Variants in MAGI2 observed in about 807,000 individuals in gnomAD.
MAGI2 encodes membrane-associated guanylate kinase, WW and PDZ domain-containing protein 2.
Under a neutral mutation model 133.3 loss-of-function variants are expected in MAGI2, and 35 were observed. The ratio of observed to expected loss-of-function variants is 0.26; its 90% CI spans 0.20 to 0.35. MAGI2 has a LOEUF of 0.35. Among genes scored for constraint, MAGI2 ranks in the 10% least tolerant of loss-of-function variants. MAGI2 has a pLI of 1.00. For missense variants in MAGI2, 1,636 were observed against 1,863.4 expected (o/e 0.88, Z 2.25); for synonymous variants, 729 against 710.6 (o/e 1.03, Z -0.41).
intron 6 of MAGI2, among the ~76,000 whole-genome samples, chr7:78,374,938 C>A (rs1794297461): frequency 6.6e-6 from 1 of 151,898 alleles, no homozygotes. Flanking sequence ...CTCCTGGGTT[C>A]AAGCAATTCT....
intron 1 of MAGI2, among the ~76,000 whole-genome samples, chr7:79,067,135 T>C (rs1475420894): frequency 6.6e-6 from 1 of 152,204 alleles, no homozygotes; most frequent in African/African-American, 2.4e-5. Context: ...TTTTATCCAA[T>C]TCTGTGAAGC....
chr7:78,700,811 C>T (rs1176245717), intron 2 of MAGI2, among the ~76,000 whole-genome samples: 2 of 151,800 alleles, frequency 1.3e-5, no homozygotes, highest in Non-Finnish European at 2.9e-5. Context: ...TTCAACAGTT[C>T]TCTGACACCT....
chr7:79,361,066 A>G (rs186221794), intron 1 of MAGI2, among the ~76,000 whole-genome samples: 1 of 152,324 alleles, frequency 6.6e-6, no homozygotes, highest in South Asian at 2.1e-4. Context: ...AGGAATGGCT[A>G]ATTAATATCC....
At chr7:78,724,079 G>C (rs980021682) in intron 2 of MAGI2, among the ~76,000 whole-genome samples, 2 of 152,140 alleles carry the variant, frequency 1.3e-5, no homozygotes, top group African/African-American at 4.8e-5. Context: ...AGGGAAGAAG[G>C]CTTTAATTGG....
intron 21 of MAGI2, among the ~76,000 whole-genome samples, chr7:78,041,714 G>T (rs7799860): frequency 6.6e-6 from 1 of 151,948 alleles, no homozygotes; most frequent in African/African-American, 2.4e-5. Flanking sequence ...AAAACAAAAG[G>T]CTGGAAAGTC....
intron 2 of MAGI2, among the ~76,000 whole-genome samples, chr7:78,688,774 A>G (rs151310237): frequency 2.2e-4 from 33 of 152,362 alleles, no homozygotes; most frequent in Middle Eastern, 3.4e-3. Context: ...CTAATACAAG[A>G]TTTACAAAGA....
intron 1 of MAGI2, among the ~76,000 whole-genome samples, chr7:79,214,482 T>G (rs1355756828): frequency 1.5e-5 from 2 of 135,366 alleles, no homozygotes; most frequent in South Asian, 4.5e-4. Flanking sequence ...TACATATATA[T>G]GTATATATAT....
chr7:78,614,303 A>AAGAAGCAG (rs1191185818), intron 3 of MAGI2: 3 of 151,352 alleles, frequency 2.0e-5, no homozygotes. Flanking sequence ...AAAAAAAAAA[A>AAGAAGCAG]AGAAGCAGAG....
At chr7:78,242,124 T>A (rs1791214062) in intron 10 of MAGI2, among the ~76,000 whole-genome samples, 1 of 152,178 alleles carries the variant, frequency 6.6e-6, no homozygotes, top group Non-Finnish European at 1.5e-5. Context: ...TTTCCCAGTC[T>A]CTTATGACCA....
intron 1 of MAGI2, among the ~76,000 whole-genome samples, chr7:79,338,190 G>A (rs530448598): frequency 6.6e-6 from 1 of 152,288 alleles, no homozygotes; most frequent in Non-Finnish European, 1.5e-5. Context: ...TGAGACTAAG[G>A]GTGAGGTTGT....
chr7:78,143,924 GTT>G (rs374859888), intron 16 of MAGI2, among the ~76,000 whole-genome samples: 8 of 137,714 alleles, frequency 5.8e-5, no homozygotes, highest in Admixed American at 7.3e-5. Flanking sequence ...AGTCCTATAA[GTT>G]TTTTTTTTTT....
At position 78,731,367 on chromosome 7, in the gene MAGI2, C is replaced by T. The variant is rs1020003179; in HGVS notation, c.419-104128G>A. Among the ~76,000 whole-genome samples the T allele has an allele frequency of 2.6e-5, 4 of 152,074 alleles. No homozygotes were observed. The South Asian group carries it at 6.2e-4, about 24-fold the overall frequency. ...AAAGCTTTATCTCTACTTGGTTTCT[C>T]CACTCTGGAATACAGCCTGAGAATA... On this transcript the variant is annotated intron_variant, in intron 2 of 21. Transcript: ENST00000354212.
chr7:78,578,501 T>C (rs1802500429), intron 3 of MAGI2, among the ~76,000 whole-genome samples: 1 of 151,338 alleles, frequency 6.6e-6, no homozygotes, highest in Non-Finnish European at 1.5e-5. Flanking sequence ...AAAGGGTAAA[T>C]GAAAAAGGCA....
chr7:78,165,804 CAT>C (rs1174543918), intron 15 of MAGI2, among the ~76,000 whole-genome samples: 1 of 152,206 alleles, frequency 6.6e-6, no homozygotes, highest in Non-Finnish European at 1.5e-5. Flanking sequence ...TCTCCATTGT[CAT>C]ATTCATTTGT....
intron 2 of MAGI2, among the ~76,000 whole-genome samples, chr7:78,662,679 A>G (rs1431487743): frequency 6.6e-6 from 1 of 152,206 alleles, no homozygotes; most frequent in Non-Finnish European, 1.5e-5. Flanking sequence ...ACAAAAAAGA[A>G]ATGGGGAAAA....
intron 1 of MAGI2, among the ~76,000 whole-genome samples, chr7:79,432,726 C>T (rs1330949932): frequency 6.6e-6 from 1 of 152,138 alleles, no homozygotes; most frequent in Admixed American, 6.5e-5. Flanking sequence ...TATAAGTGGT[C>T]AGGTTTAGTC....
intron 1 of MAGI2, among the ~76,000 whole-genome samples, chr7:79,275,785 A>C (rs1293475905): frequency 1.3e-5 from 2 of 151,840 alleles, no homozygotes; most frequent in Non-Finnish European, 2.9e-5. Flanking sequence ...AGTCTAAAAA[A>C]GGGCCCTTAA....
chr7:79,285,373 T>C (rs1459085475), intron 1 of MAGI2, among the ~76,000 whole-genome samples: 2 of 152,126 alleles, frequency 1.3e-5, no homozygotes, highest in African/African-American at 4.8e-5. Context: ...ATACTGATTG[T>C]GCATGTCTGC....
At chr7:78,470,427 AT>A (rs1791077958) in intron 6 of MAGI2, among the ~76,000 whole-genome samples, 3 of 152,130 alleles carry the variant, frequency 2.0e-5, no homozygotes, top group Non-Finnish European at 4.4e-5. Context: ...GAAACAATGC[AT>A]TGTTTCTCCT....
Sources: allele counts gnomAD v4.1 joint callset (sites outside exome capture counted in the v4.1 genomes callset), GRCh38; gene constraint gnomAD v4.1.1; transcripts MANE v1.5; gene names NCBI Gene and HGNC (gene_info 2026-07-23, HGNC 2026-07-21).